Variants in SP100 observed in about 807,000 individuals in gnomAD.
SP100 encodes the protein SP100 nuclear body protein.
SP100 carries 84 observed loss-of-function variants against 130.0 expected under a neutral mutation model. That is an observed-to-expected ratio of 0.65 (90% CI 0.54 to 0.77). The LOEUF (loss-of-function observed/expected upper bound fraction) is 0.77. Among genes scored for constraint, SP100 ranks in the 30% least tolerant of loss-of-function variants. The pLI is 0.00. For synonymous variants in SP100, 331 were observed against 351.7 expected (o/e 0.94, Z 0.66); for missense variants, 978 against 1,052.2 (o/e 0.93, Z 0.97).
At position 230,416,289 on chromosome 2, in the gene SP100, G is replaced by C. The variant is rs376918563; in HGVS notation, c.-8G>C. 23 of 1,613,252 alleles carry C rather than the reference G, an allele frequency of 1.4e-5. No individual in the cohort carries two copies. Among genetic ancestry groups the C allele is most frequent in the Non-Finnish European group, 1.9e-5 (23 of 1,179,526 alleles). ...CTCTGAGGCCCACGCAGGGCCTAGG[G>C]TGGGAAGATGGCAGGTGGGGGCGGC... On this transcript the variant is annotated 5_prime_UTR_variant, in exon 1 of 29. Coordinates refer to ENST00000340126, the MANE Select transcript of SP100 (RefSeq NM_001080391.2).
At chr2:230,465,871 G>GTCC (rs2064919156) in intron 11 of SP100, among the ~76,000 whole-genome samples, 1 of 152,064 alleles carries the variant, frequency 6.6e-6, no homozygotes, top group Admixed American at 6.6e-5. Context: ...TAGAAGGAGA[G>GTCC]AGAGAAAAAC....
intron 17 of SP100, among the ~76,000 whole-genome samples, chr2:230,482,146 A>T (rs897512552): frequency 6.6e-6 from 1 of 152,062 alleles, no homozygotes; most frequent in African/African-American, 2.4e-5. Flanking sequence ...ATCCTTGTGT[A>T]ATTGGTCTGT....
At chr2:230,505,053 G>C (rs1689972816) in intron 21 of SP100, among the ~76,000 whole-genome samples, 2 of 152,144 alleles carry the variant, frequency 1.3e-5, no homozygotes, top group Non-Finnish European at 2.9e-5. Context: ...CCCACAGTGA[G>C]TTCTGGGAAT....
At position 230,539,211 on chromosome 2, in the gene SP100, A is replaced by G. The variant is rs527549572; in HGVS notation, c.2095-56A>G. ...CCCTTGATACATAAAAAGGTCACATATTCTAGGGTCCAAGGGTCTCACTGA... is the reference window on the plus strand; with the variant it reads ...CCCTTGATACATAAAAAGGTCACATGTTCTAGGGTCCAAGGGTCTCACTGA... On this transcript the variant is annotated intron_variant, in intron 24 of 28. Coordinates refer to ENST00000340126, the MANE Select transcript of SP100 (RefSeq NM_001080391.2). 39 of 1,091,198 alleles carry G rather than the reference A, an allele frequency of 3.6e-5. No individual in the cohort carries two copies. The South Asian group carries it at 4.9e-4, about 14-fold the overall frequency. The allele number at this position is 1,091,198 out of a possible 1,614,324, so 67.6% of individuals were successfully genotyped here. A position where few individuals can be genotyped will look rare whatever the true frequency, so the allele number is the denominator to read the frequency against.
intron 5 of SP100, among the ~76,000 whole-genome samples, chr2:230,448,724 G>T (rs1414732052): frequency 6.6e-6 from 1 of 152,136 alleles, no homozygotes; most frequent in Non-Finnish European, 1.5e-5. Context: ...GAAAGGGGGT[G>T]GGCATGAGGC....
chr2:230,459,483 CA>C (rs1398376958), intron 8 of SP100, among the ~76,000 whole-genome samples: 1 of 152,182 alleles, frequency 6.6e-6, no homozygotes, highest in Admixed American at 6.5e-5. Context: ...GATTTCTAAA[CA>C]TACATCTCCA....
intron 17 of SP100, among the ~76,000 whole-genome samples, chr2:230,477,948 C>CAAAAAAAAAAAAAAA (rs5839369): frequency 7.5e-6 from 1 of 133,968 alleles, no homozygotes; most frequent in African/African-American, 2.8e-5. Context: ...ACAAAACAAA[C>CAAAAAAAAAAAAAAA]AAAAAAAAAA....
Position 230,525,641 on chromosome 2 carries a change from G to A in SP100, c.2095-13626G>A, listed in dbSNP as rs1332189363. Among the ~76,000 whole-genome samples the A allele has an allele frequency of 2.6e-5, 4 of 152,110 alleles. No homozygotes were observed. In the East Asian group the frequency reaches 5.8e-4, roughly 22 times the overall value. On this transcript the variant is annotated intron_variant, in intron 24 of 28. Transcript: ENST00000340126. Reference sequence around the variant, plus strand: ...CACCCAGGAAGCACAAGGGGTGGGGGGATTTCCCTTTCCTAGACAAGGGAG... The same window carrying A: ...CACCCAGGAAGCACAAGGGGTGGGGAGATTTCCCTTTCCTAGACAAGGGAG...
Position 230,443,204 on chromosome 2 carries a change from G to A in SP100, c.270+105G>A, listed in dbSNP as rs2063539539. On this transcript the variant is annotated intron_variant, in intron 3 of 28. Transcript: ENST00000340126. ...CAGGGTACAATTTGCTAACTGACAG[G>A]TCTCCTATGAGTGGGGAACTTTTTC... 7 of 1,084,228 alleles carry A rather than the reference G, an allele frequency of 6.5e-6. No homozygotes were observed. The South Asian group carries it at 8.6e-5, about 13-fold the overall frequency. 67.2% of individuals were successfully genotyped at this position (1,084,228 alleles called of 1,614,324 possible).
chr2:230,534,968 G>A (rs144015725), intron 24 of SP100, among the ~76,000 whole-genome samples: 2,215 of 151,924 alleles, frequency 0.015, 27 homozygotes, highest in Middle Eastern at 0.054. Context: ...AGGCCAAGAC[G>A]GGTGGATCAC....
At position 230,416,228 on chromosome 2, in the gene SP100, C is replaced by A; in HGVS notation, c.-69C>A. On this transcript the variant is annotated 5_prime_UTR_variant, in exon 1 of 29. Transcript: ENST00000340126. Reference sequence around the variant, plus strand: ...TTGGGGCCTGGGCAGCCACACTGCACGCAGGCTGGGCCGACTGAGGGGCTC... The same window carrying A: ...TTGGGGCCTGGGCAGCCACACTGCAAGCAGGCTGGGCCGACTGAGGGGCTC... 7.4e-7 allele frequency: 1 copy of A among 1,350,476 alleles called. No homozygotes were observed. Among genetic ancestry groups the A allele is most frequent in the Non-Finnish European group, 1.1e-6 (1 of 949,462 alleles). The allele number at this position is 1,350,476 out of a possible 1,614,324, so 83.7% of individuals were successfully genotyped here. A position where few individuals can be genotyped will look rare whatever the true frequency, so the allele number is the denominator to read the frequency against.
At chr2:230,443,152 A>G in intron 3 of SP100, 53 bp downstream of exon 3, 1 of 1,564,534 alleles carries the variant, frequency 6.4e-7, no homozygotes, top group Non-Finnish European at 8.8e-7. Flanking sequence ...AAAATAAGTT[A>G]TGCTTTGATA....
At chr2:230,477,935 AAAACAAAAC>A (rs1169699960) in intron 17 of SP100, among the ~76,000 whole-genome samples, 10 of 136,326 alleles carry the variant, frequency 7.3e-5, no homozygotes, top group South Asian at 2.5e-4. Context: ...ACCCTGTCTC[AAAACAAAAC>A]AAACAAAAAA....
chr2:230,430,663 C>G (rs894137398), intron 2 of SP100, among the ~76,000 whole-genome samples: 1 of 152,236 alleles, frequency 6.6e-6, no homozygotes, highest in Non-Finnish European at 1.5e-5. Flanking sequence ...GGTAGGACCA[C>G]AGGCTACGTT....
At chr2:230,470,531 C>T (rs768425900) in intron 15 of SP100, 18 of 533,344 alleles carry the variant, frequency 3.4e-5, no homozygotes, top group East Asian at 1.4e-4. Flanking sequence ...CACTCTCAAA[C>T]GTTAGTATAG....
intron 2 of SP100, among the ~76,000 whole-genome samples, chr2:230,424,887 G>A (rs534770474): frequency 1.9e-4 from 29 of 151,612 alleles, no homozygotes; most frequent in South Asian, 1.0e-3. Flanking sequence ...CAAATTTGTC[G>A]TCCTACAGAA....
intron 24 of SP100, chr2:230,515,573 A>C (rs557633213): frequency 6.3e-7 from 1 of 1,599,894 alleles, no homozygotes; most frequent in Admixed American, 1.7e-5. Context: ...AGCAAGAAAA[A>C]GAAGGAAGAG....
intron 16 of SP100, among the ~76,000 whole-genome samples, chr2:230,473,687 G>T (rs771253103): frequency 6.6e-6 from 1 of 152,162 alleles, no homozygotes; most frequent in African/African-American, 2.4e-5. Context: ...CCAGAATCCT[G>T]TTCTCTACAT....
intron 24 of SP100, among the ~76,000 whole-genome samples, chr2:230,535,089 G>C (rs145326703): frequency 6.6e-6 from 1 of 152,148 alleles, no homozygotes; most frequent in Non-Finnish European, 1.5e-5. Flanking sequence ...CCAGCTACTC[G>C]GGAGTCTGAG....
Sources: gnomAD v4.1 joint callset for allele counts (sites outside exome capture counted in the v4.1 genomes callset) on GRCh38, gnomAD v4.1.1 for gene constraint, MANE v1.5 for transcripts, NCBI Gene and HGNC (gene_info 2026-07-23, HGNC 2026-07-21) for gene names.